Variants in GALNTL6 observed in about 807,000 individuals in gnomAD.
GALNTL6 encodes polypeptide N-acetylgalactosaminyltransferase-like 6.
A neutral mutation model predicts 73.7 loss-of-function variants in GALNTL6; 46 were observed. That is an observed-to-expected ratio of 0.62 (90% CI 0.49 to 0.80). The LOEUF (loss-of-function observed/expected upper bound fraction) is 0.80. Ranked by LOEUF, GALNTL6 falls within the 30% of genes least tolerant of loss-of-function variation. The probability of loss-of-function intolerance (pLI) is 0.00; values close to 1 mark genes in which losing one functional copy is unlikely to be tolerated. For synonymous variants in GALNTL6, 259 were observed against 263.7 expected, an observed-to-expected ratio of 0.98 and a Z score of 0.17; for missense variants, 604 against 755.0, an observed-to-expected ratio of 0.80 and a Z score of 2.34.
chr4:172,216,905 T>A (rs1736512600), intron 2 of GALNTL6, among the ~76,000 whole-genome samples: 1 of 152,062 alleles, frequency 6.6e-6, no homozygotes, highest in South Asian at 2.1e-4. Flanking sequence ...AAGACAACTC[T>A]AAGAAGGGAA....
chr4:172,557,399 C>T (rs1736187622), intron 5 of GALNTL6, among the ~76,000 whole-genome samples: 1 of 152,072 alleles, frequency 6.6e-6, no homozygotes, highest in African/African-American at 2.4e-5. Context: ...ATCAGTTGGG[C>T]TTCCTCAAGA....
chr4:172,651,634 C>T (rs1006646916), intron 5 of GALNTL6, among the ~76,000 whole-genome samples: 2 of 152,196 alleles, frequency 1.3e-5, no homozygotes, highest in African/African-American at 4.8e-5. Context: ...ACAAACCATA[C>T]ATTGTAAGTT....
intron 2 of GALNTL6, among the ~76,000 whole-genome samples, chr4:172,158,836 TCAGA>T (rs1734365402): frequency 6.6e-6 from 1 of 152,098 alleles, no homozygotes; most frequent in Non-Finnish European, 1.5e-5. Flanking sequence ...TATTTCTAAA[TCAGA>T]CAAAGAATTT....
chr4:172,351,240 G>A (rs1002102540), intron 5 of GALNTL6, among the ~76,000 whole-genome samples: 18 of 137,008 alleles, frequency 1.3e-4, no homozygotes, highest in African/African-American at 4.4e-4. Flanking sequence ...CCTCTTTACT[G>A]ATTTATTTAT....
intron 5 of GALNTL6, among the ~76,000 whole-genome samples, chr4:172,519,375 A>C (rs1424616395): frequency 6.6e-6 from 1 of 151,238 alleles, no homozygotes; most frequent in African/African-American, 2.4e-5. Flanking sequence ...CATGTAACTA[A>C]CTACCTTGCC....
intron 2 of GALNTL6, among the ~76,000 whole-genome samples, chr4:171,870,303 T>C (rs1455006294): frequency 6.6e-6 from 1 of 152,178 alleles, no homozygotes; most frequent in Non-Finnish European, 1.5e-5. Flanking sequence ...AATACATCCT[T>C]CTTGAATTCC....
intron 5 of GALNTL6, among the ~76,000 whole-genome samples, chr4:172,678,274 T>C (rs1176643811): frequency 6.6e-6 from 1 of 152,058 alleles, no homozygotes; most frequent in African/African-American, 2.4e-5. Context: ...ACATTTCTTT[T>C]CTGAGAAAAA....
At chr4:172,882,685 C>A in intron 7 of GALNTL6, 105 bp from the exon 8 acceptor site, 1 of 780,210 alleles carries the variant, frequency 1.3e-6, no homozygotes, top group Non-Finnish European at 2.3e-6. Flanking sequence ...AAGTTCCACA[C>A]AGCTGACCAC....
chr4:172,944,308 A>G (rs1039457889), intron 9 of GALNTL6, among the ~76,000 whole-genome samples: 2 of 152,236 alleles, frequency 1.3e-5, no homozygotes, highest in South Asian at 2.1e-4. Flanking sequence ...AAATGGGTAA[A>G]TGATTTGAAA....
chr4:172,376,027 C>T (rs1279977639), intron 5 of GALNTL6, among the ~76,000 whole-genome samples: 1 of 152,174 alleles, frequency 6.6e-6, no homozygotes, highest in Non-Finnish European at 1.5e-5. Flanking sequence ...ATCCTACCTT[C>T]AGGAATAGCT....
intron 2 of GALNTL6, among the ~76,000 whole-genome samples, chr4:172,014,227 G>T (rs1216840838): frequency 6.6e-6 from 1 of 151,854 alleles, no homozygotes; most frequent in Non-Finnish European, 1.5e-5. Context: ...TTTCTTTTGG[G>T]TATATGGTGA....
chr4:172,007,486 A>G (rs948328368), intron 2 of GALNTL6, among the ~76,000 whole-genome samples: 2 of 152,142 alleles, frequency 1.3e-5, no homozygotes, highest in African/African-American at 4.8e-5. Context: ...ATTAACTTCA[A>G]TATATGAAAT....
chr4:172,040,136 G>T (rs754516794), intron 2 of GALNTL6, among the ~76,000 whole-genome samples: 2 of 146,678 alleles, frequency 1.4e-5, no homozygotes, highest in African/African-American at 2.5e-5. Flanking sequence ...TAACAATGGC[G>T]CAATGGAAAT....
chr4:172,176,781 C>A (rs947405099), intron 2 of GALNTL6, among the ~76,000 whole-genome samples: 4 of 151,938 alleles, frequency 2.6e-5, no homozygotes, highest in African/African-American at 9.7e-5. Flanking sequence ...AAAGCAAGAC[C>A]CTATCTCTAG....
At chr4:172,375,895 C>T (rs1156394508) in intron 5 of GALNTL6, among the ~76,000 whole-genome samples, 1 of 152,104 alleles carries the variant, frequency 6.6e-6, no homozygotes, top group East Asian at 1.9e-4. Context: ...AGATGTTATG[C>T]CCCAAAAATG....
intron 5 of GALNTL6, among the ~76,000 whole-genome samples, chr4:172,547,983 G>A (rs1208942488): frequency 3.9e-5 from 6 of 152,234 alleles, no homozygotes; most frequent in East Asian, 1.9e-4. Flanking sequence ...GGGCTTGTCC[G>A]ATTGCCATGG....
At chr4:172,990,447 G>A (rs1439917644) in intron 10 of GALNTL6, among the ~76,000 whole-genome samples, 2 of 152,264 alleles carry the variant, frequency 1.3e-5, no homozygotes, top group Middle Eastern at 3.4e-3. Flanking sequence ...CAAGCAGTAA[G>A]TCATAAAAAG....
chr4:172,627,278 T>G (rs1471739473), intron 5 of GALNTL6, among the ~76,000 whole-genome samples: 2 of 152,172 alleles, frequency 1.3e-5, no homozygotes, highest in African/African-American at 2.4e-5. Flanking sequence ...TTAATTCTCT[T>G]TATGCAGTGA....
At chr4:171,861,544 G>A (rs1161836288) in intron 2 of GALNTL6, among the ~76,000 whole-genome samples, 1 of 151,824 alleles carries the variant, frequency 6.6e-6, no homozygotes, top group Non-Finnish European at 1.5e-5. Flanking sequence ...TTTTTCTTGG[G>A]ATGTGTTTTC....
Sources: gnomAD v4.1 joint callset for allele counts (sites outside exome capture counted in the v4.1 genomes callset) on GRCh38, gnomAD v4.1.1 for gene constraint, MANE v1.5 for transcripts, NCBI Gene and HGNC (gene_info 2026-07-23, HGNC 2026-07-21) for gene names.